Variants in DNAH3 observed in about 807,000 individuals in gnomAD.
DNAH3 encodes axonemal beta dynein heavy chain 3.
DNAH3 carries 332 observed loss-of-function variants against 432.5 expected under a neutral mutation model. That is an observed-to-expected ratio of 0.77 (90% CI 0.70 to 0.84). The LOEUF (loss-of-function observed/expected upper bound fraction) is 0.84, where lower values mean the gene tolerates loss of function less well. Among genes scored for constraint, DNAH3 ranks in the 40% least tolerant of loss-of-function variants. The probability of loss-of-function intolerance (pLI) is 0.00; values close to 1 mark genes in which losing one functional copy is unlikely to be tolerated. For synonymous variants in DNAH3, 1,956 were observed against 1,900.2 expected (o/e 1.03, Z -0.76); for missense variants, 4,861 against 5,114.0 (o/e 0.95, Z 1.51).
intron 37 of DNAH3, among the ~76,000 whole-genome samples, chr16:21,027,352 A>T (rs985150482): frequency 6.6e-6 from 1 of 152,220 alleles, no homozygotes; most frequent in African/African-American, 2.4e-5. Flanking sequence ...ATGACAGACA[A>T]TAAGCAAAAT....
At chr16:21,080,112 T>C (rs1371982535) in intron 20 of DNAH3, among the ~76,000 whole-genome samples, 1 of 142,818 alleles carries the variant, frequency 7.0e-6, no homozygotes, top group Non-Finnish European at 1.6e-5. Flanking sequence ...GCCTGGCCAA[T>C]GTGGTGAAAC....
At chr16:20,952,524 G>A (rs761281498) in exon 56 of DNAH3, 12 of 1,611,888 alleles carry the variant, frequency 7.4e-6, no homozygotes, top group South Asian at 3.3e-5. Context: ...GGTCAGATTC[G>A]TTGAATTCAT....
chr16:21,050,016 G>A (rs1355553152), exon 30 of DNAH3: 5 of 1,609,416 alleles, frequency 3.1e-6, no homozygotes, highest in African/African-American at 1.3e-5. Context: ...TCCCATCAGT[G>A]TCCTATGGGG....
intron 41 of DNAH3, among the ~76,000 whole-genome samples, chr16:21,017,994 CT>C (rs955785044): frequency 3.3e-5 from 5 of 151,606 alleles, no homozygotes; most frequent in African/African-American, 9.7e-5. Flanking sequence ...TTTAATCTAT[CT>C]TTTTTTTAAA....
chr16:21,059,998 C>G (rs986117642), intron 26 of DNAH3, among the ~76,000 whole-genome samples: 3 of 152,130 alleles, frequency 2.0e-5, no homozygotes, highest in Non-Finnish European at 4.4e-5. Flanking sequence ...TGCCATTAAT[C>G]CCATTTGACA....
chr16:21,019,773 G>C (rs748610260), exon 41 of DNAH3: 14 of 1,613,990 alleles, frequency 8.7e-6, no homozygotes, highest in African/African-American at 1.3e-5. Flanking sequence ...CCACACCAAG[G>C]AAAAGAGAAA....
intron 44 of DNAH3, among the ~76,000 whole-genome samples, chr16:20,989,495 G>C (rs562022998): frequency 7.2e-5 from 11 of 152,354 alleles, no homozygotes; most frequent in Middle Eastern, 3.4e-3. Context: ...TAAACACAGG[G>C]TGCTGATTGG....
At chr16:21,158,838 G>C (rs544133518) in intron 1 of DNAH3, 1 of 161,292 alleles carries the variant, frequency 6.2e-6, no homozygotes, top group East Asian at 1.9e-4. Context: ...GCGCGGGGGC[G>C]ACGGCGTGAG....
chr16:20,957,545 G>A (rs1596947935), intron 54 of DNAH3, among the ~76,000 whole-genome samples: 1 of 152,032 alleles, frequency 6.6e-6, no homozygotes, highest in Non-Finnish European at 1.5e-5. Context: ...GGGTGTGGTG[G>A]CTCACGCCTG....
At chr16:21,112,929 G>C (rs1383906401) in intron 12 of DNAH3, among the ~76,000 whole-genome samples, 1 of 152,186 alleles carries the variant, frequency 6.6e-6, no homozygotes, top group East Asian at 1.9e-4. Flanking sequence ...TGGAATGGCT[G>C]TATTTACCCA....
At chr16:21,075,387 A>G (rs919553751) in intron 21 of DNAH3, 60 bp downstream of exon 21, 2 of 1,133,740 alleles carry the variant, frequency 1.8e-6, no homozygotes, top group Non-Finnish European at 2.7e-6. Context: ...CGTTTCTGTA[A>G]TCTATTGCAT....
At chr16:21,056,680 C>T (rs1054587301) in intron 27 of DNAH3, among the ~76,000 whole-genome samples, 1 of 152,132 alleles carries the variant, frequency 6.6e-6, no homozygotes, top group African/African-American at 2.4e-5. Context: ...TCTGTGTCAA[C>T]ACCTGCTTCC....
chr16:20,948,673 G>A, intron 56 of DNAH3, 36 bp from the exon 57 acceptor site: 5 of 1,611,808 alleles, frequency 3.1e-6, no homozygotes, highest in Non-Finnish European at 4.2e-6. Flanking sequence ...GTTGAGCCCA[G>A]GGAAGGTCAT....
At chr16:20,935,766 CCAGG>C (rs1387039378) in intron 60 of DNAH3, among the ~76,000 whole-genome samples, 2 of 151,596 alleles carry the variant, frequency 1.3e-5, no homozygotes, top group East Asian at 3.9e-4. Flanking sequence ...TCGCTTGAAC[CCAGG>C]AGGCAGAGGT....
At chr16:21,059,047 T>G (rs2090244425) in intron 26 of DNAH3, among the ~76,000 whole-genome samples, 1 of 152,202 alleles carries the variant, frequency 6.6e-6, no homozygotes, top group Admixed American at 6.5e-5. Context: ...AATACAGCCA[T>G]GCCCATCATT....
intron 37 of DNAH3, among the ~76,000 whole-genome samples, chr16:21,029,993 A>G (rs2088790994): frequency 6.6e-6 from 1 of 152,034 alleles, no homozygotes; most frequent in African/African-American, 2.4e-5. Context: ...CAGTTAATTA[A>G]AACAAATTTT....
chr16:21,151,874 C>A (rs1459770372), intron 1 of DNAH3, among the ~76,000 whole-genome samples: 1 of 151,466 alleles, frequency 6.6e-6, no homozygotes, highest in Non-Finnish European at 1.5e-5. Context: ...GCTTGCATAT[C>A]TTTTTTTTTC....
chr16:21,063,750 C>A (rs1470939377), intron 24 of DNAH3, among the ~76,000 whole-genome samples: 1 of 152,010 alleles, frequency 6.6e-6, no homozygotes, highest in Admixed American at 6.6e-5. Flanking sequence ...GCCATGTTGG[C>A]CAGGCTAGTC....
chr16:20,997,346 T>C, exon 44 of DNAH3: 1 of 1,614,148 alleles, frequency 6.2e-7, no homozygotes, highest in Admixed American at 1.7e-5. Context: ...ATGTCCACGA[T>C]GTCCAGCCTG....
Sources: allele counts gnomAD v4.1 joint callset (sites outside exome capture counted in the v4.1 genomes callset), GRCh38; gene constraint gnomAD v4.1.1; transcripts MANE v1.5; gene names NCBI Gene and HGNC (gene_info 2026-07-23, HGNC 2026-07-21).